The following CTNNBIP1 variants were observed in gnomAD, a reference collection of about 807,000 sequenced individuals.
The protein encoded by CTNNBIP1 is beta-catenin-interacting protein 1.
Under a neutral mutation model 11.8 loss-of-function variants are expected in CTNNBIP1, and 7 were observed. The observed-to-expected ratio is 0.60, with a 90% CI of 0.34 to 1.12. CTNNBIP1 has a LOEUF of 1.12. Among genes scored for constraint, CTNNBIP1 ranks in the 50% most tolerant of loss-of-function variants. The pLI is 0.03. For missense variants in CTNNBIP1, 101 were observed against 113.4 expected, an observed-to-expected ratio of 0.89 and a Z score of 0.50; for synonymous variants, 58 against 43.9, an observed-to-expected ratio of 1.32 and a Z score of -1.26.
chr1:9,893,648 C>T (rs975255296), intron 1 of CTNNBIP1, among the ~76,000 whole-genome samples: 14 of 152,164 alleles, frequency 9.2e-5, no homozygotes, highest in Non-Finnish European at 1.3e-4. Context: ...GTTAATTACA[C>T]GACACATTAA....
At chr1:9,897,630 C>A (rs906210534) in intron 1 of CTNNBIP1, among the ~76,000 whole-genome samples, 2 of 150,462 alleles carry the variant, frequency 1.3e-5, no homozygotes, top group African/African-American at 2.4e-5. Context: ...CCAGCCTGGG[C>A]GACAGAGCAA....
chr1:9,881,000 G>T (rs1324337922), intron 2 of CTNNBIP1, among the ~76,000 whole-genome samples: 1 of 151,996 alleles, frequency 6.6e-6, no homozygotes, highest in Non-Finnish European at 1.5e-5. Context: ...AGGGCCCCAT[G>T]CTTGGTTTAC....
At chr1:9,900,025 G>C (rs548079981) in intron 1 of CTNNBIP1, among the ~76,000 whole-genome samples, 26 of 150,682 alleles carry the variant, frequency 1.7e-4, no homozygotes, top group African/African-American at 6.4e-4. Context: ...AGTGAGGCAA[G>C]ATTGCACCAC....
chr1:9,852,209 T>C (rs922886737), intron 5 of CTNNBIP1, among the ~76,000 whole-genome samples: 1 of 152,126 alleles, frequency 6.6e-6, no homozygotes, highest in Non-Finnish European at 1.5e-5. Context: ...GCTGACCTCC[T>C]TCCAACTGCT....
chr1:9,888,279 A>C (rs1239049354), intron 1 of CTNNBIP1, among the ~76,000 whole-genome samples: 2 of 151,912 alleles, frequency 1.3e-5, no homozygotes, highest in African/African-American at 4.8e-5. Context: ...TAAAAAAAAA[A>C]ATTTAAAAGC....
intron 5 of CTNNBIP1, among the ~76,000 whole-genome samples, chr1:9,861,830 TC>T (rs936247340): frequency 3.3e-5 from 5 of 152,296 alleles, no homozygotes; most frequent in Admixed American, 3.3e-4. Flanking sequence ...TAGCTGTGTA[TC>T]CCAGGGGGAA....
intron 5 of CTNNBIP1, among the ~76,000 whole-genome samples, chr1:9,869,303 A>G (rs955939765): frequency 2.6e-5 from 4 of 152,096 alleles, no homozygotes; most frequent in African/African-American, 9.7e-5. Context: ...CCTGGCCACC[A>G]GCTTTTTTTT....
chr1:9,886,555 C>T (rs61785594), intron 1 of CTNNBIP1, among the ~76,000 whole-genome samples: 6,960 of 152,292 alleles, frequency 0.046, 542 homozygotes, highest in African/African-American at 0.16. Flanking sequence ...TCGCCACACA[C>T]GTCCCTACAG....
chr1:9,891,627 G>A (rs1394947294), intron 1 of CTNNBIP1, among the ~76,000 whole-genome samples: 3 of 152,026 alleles, frequency 2.0e-5, no homozygotes, highest in Admixed American at 1.3e-4. Context: ...CTGGGGAAAC[G>A]CTTCCCAATC....
chr1:9,879,572 C>T (rs1639041417), intron 2 of CTNNBIP1, among the ~76,000 whole-genome samples: 1 of 152,186 alleles, frequency 6.6e-6, no homozygotes, highest in African/African-American at 2.4e-5. Flanking sequence ...CACCGTCAGA[C>T]TAACCCTACG....
chr1:9,891,124 G>A (rs75671091), intron 1 of CTNNBIP1, among the ~76,000 whole-genome samples: 6,445 of 151,708 alleles, frequency 0.042, 198 homozygotes, highest in South Asian at 0.087. Context: ...AAGAAGAAAG[G>A]GGGAAAACTG....
intron 5 of CTNNBIP1, among the ~76,000 whole-genome samples, chr1:9,866,509 C>A (rs1259864786): frequency 6.6e-6 from 1 of 152,170 alleles, no homozygotes; most frequent in South Asian, 2.1e-4. Flanking sequence ...GCCCGGGCAA[C>A]ATGGTGAAAC....
At chr1:9,859,118 A>C (rs368764944) in intron 5 of CTNNBIP1, among the ~76,000 whole-genome samples, 1 of 152,058 alleles carries the variant, frequency 6.6e-6, no homozygotes, top group Admixed American at 6.6e-5. Flanking sequence ...CCTGCCCCCA[A>C]CTGGTCCCCA....
At chr1:9,879,854 C>A (rs1339002968) in intron 2 of CTNNBIP1, among the ~76,000 whole-genome samples, 1 of 152,156 alleles carries the variant, frequency 6.6e-6, no homozygotes, top group Non-Finnish European at 1.5e-5. Context: ...GGGAAGGGGT[C>A]AAAGGATAGG....
intron 1 of CTNNBIP1, among the ~76,000 whole-genome samples, chr1:9,892,172 C>A (rs1639317148): frequency 6.6e-6 from 1 of 151,974 alleles, no homozygotes; most frequent in Admixed American, 6.5e-5. Flanking sequence ...CCTCTAATCC[C>A]AGCACTTTGG....
Position 9,850,279 on chromosome 1 carries a change from C to G in CTNNBIP1, c.*439G>C, listed in dbSNP as rs557465830. 1 of 156,620 alleles carries G rather than the reference C, an allele frequency of 6.4e-6. No homozygotes were observed. Among genetic ancestry groups the G allele is most frequent in the Admixed American group, 6.4e-5 (1 of 15,726 alleles). 9.7% of individuals were successfully genotyped at this position (156,620 alleles called of 1,614,324 possible). On this transcript the variant is annotated 3_prime_UTR_variant, in exon 6 of 6. Transcript: ENST00000377263. ...GCAGCCAAAGAAAAAAACCGTTTCC[C>G]ATTAACCAGCCAATCACAGATCCTT...
At chr1:9,892,951 C>T (rs1275538759) in intron 1 of CTNNBIP1, 1 of 152,162 alleles carries the variant, frequency 6.6e-6, no homozygotes, top group African/African-American at 2.4e-5. Context: ...TCAAAATCAA[C>T]AATGCTTTAA....
chr1:9,865,965 C>G (rs1351420941), intron 5 of CTNNBIP1, among the ~76,000 whole-genome samples: 1 of 152,246 alleles, frequency 6.6e-6, no homozygotes, highest in Non-Finnish European at 1.5e-5. Context: ...AGCAGGGCGA[C>G]CTTCCTGAGA....
chr1:9,853,751 G>A (rs776794616), intron 5 of CTNNBIP1, among the ~76,000 whole-genome samples: 7 of 152,198 alleles, frequency 4.6e-5, no homozygotes, highest in Non-Finnish European at 1.0e-4. Flanking sequence ...AGTGAGCATA[G>A]GAGGGGAGAG....
Sources: gnomAD v4.1 joint callset for allele counts (sites outside exome capture counted in the v4.1 genomes callset) on GRCh38, gnomAD v4.1.1 for gene constraint, MANE v1.5 for transcripts, NCBI Gene and HGNC (gene_info 2026-07-23, HGNC 2026-07-21) for gene names.